The following MSRB3 variants were observed in gnomAD, a reference collection of about 807,000 sequenced individuals.
MSRB3 encodes the protein methionine-R-sulfoxide reductase B3.
A neutral mutation model predicts 21.0 loss-of-function variants in MSRB3; 13 were observed. That is an observed-to-expected ratio of 0.62 (90% CI 0.40 to 0.98). The LOEUF (loss-of-function observed/expected upper bound fraction) is 0.98, where lower values mean the gene tolerates loss of function less well. Ranked by LOEUF, MSRB3 falls within the 50% of genes least tolerant of loss-of-function variation. The pLI, the probability that MSRB3 is intolerant of heterozygous loss-of-function variation, is 0.00. For synonymous variants in MSRB3, 87 were observed against 88.6 expected (o/e 0.98, Z 0.10); for missense variants, 199 against 230.3 (o/e 0.86, Z 0.88).
chr12:65,444,054 T>C (rs1366018338), intron 5 of MSRB3, among the ~76,000 whole-genome samples: 2 of 152,166 alleles, frequency 1.3e-5, no homozygotes, highest in African/African-American at 4.8e-5. Flanking sequence ...GAAGTTGTAG[T>C]AGTTAATAAA....
chr12:65,391,058 C>A (rs1879457116), intron 5 of MSRB3, among the ~76,000 whole-genome samples: 1 of 152,028 alleles, frequency 6.6e-6, no homozygotes, highest in South Asian at 2.1e-4. Context: ...TATTGATGTT[C>A]ATGATGAAAA....
At chr12:65,311,824 G>C (rs966943298) in intron 2 of MSRB3, among the ~76,000 whole-genome samples, 1 of 152,034 alleles carries the variant, frequency 6.6e-6, no homozygotes, top group Non-Finnish European at 1.5e-5. Context: ...TCTTAAAGTT[G>C]ATTATAACTG....
At chr12:65,400,706 G>A (rs1045543728) in intron 5 of MSRB3, among the ~76,000 whole-genome samples, 1 of 152,080 alleles carries the variant, frequency 6.6e-6, no homozygotes, top group Non-Finnish European at 1.5e-5. Flanking sequence ...TGATGTTAGG[G>A]TGTCGGTTTT....
chr12:65,364,840 A>C (rs1877915150), intron 4 of MSRB3, among the ~76,000 whole-genome samples: 1 of 152,202 alleles, frequency 6.6e-6, no homozygotes, highest in African/African-American at 2.4e-5. Context: ...CCCTATCCCC[A>C]AATTGACAGT....
At chr12:65,408,418 A>T (rs759202902) in intron 5 of MSRB3, among the ~76,000 whole-genome samples, 1 of 152,042 alleles carries the variant, frequency 6.6e-6, no homozygotes, top group Non-Finnish European at 1.5e-5. Context: ...GCTGAATTTG[A>T]TATACTGGAT....
chr12:65,315,398 C>T (rs937915801), intron 2 of MSRB3, among the ~76,000 whole-genome samples: 6 of 151,834 alleles, frequency 4.0e-5, no homozygotes, highest in Admixed American at 1.3e-4. Flanking sequence ...AGGCCTGGCG[C>T]GGTGGTCGTA....
At chr12:65,458,854 A>G (rs1181277038) in intron 6 of MSRB3, among the ~76,000 whole-genome samples, 1 of 152,252 alleles carries the variant, frequency 6.6e-6, no homozygotes, top group Non-Finnish European at 1.5e-5. Context: ...GTGATAAAAT[A>G]CATTGCTTCT....
At chr12:65,398,391 G>A (rs1879932806) in intron 5 of MSRB3, among the ~76,000 whole-genome samples, 1 of 152,018 alleles carries the variant, frequency 6.6e-6, no homozygotes, top group African/African-American at 2.4e-5. Flanking sequence ...TATGTTTGTT[G>A]GCCGCATAAA....
At chr12:65,406,267 A>G (rs564027932) in intron 5 of MSRB3, among the ~76,000 whole-genome samples, 2 of 152,302 alleles carry the variant, frequency 1.3e-5, no homozygotes, top group South Asian at 2.1e-4. Flanking sequence ...AGATGAGTCC[A>G]GTTTCATTCT....
intron 4 of MSRB3, among the ~76,000 whole-genome samples, chr12:65,357,911 TA>T (rs903244633): frequency 1.3e-5 from 2 of 151,984 alleles, no homozygotes; most frequent in African/African-American, 4.8e-5. Context: ...TAGTGTTTGT[TA>T]GGTTTCTTCA....
At chr12:65,289,145 C>CATAGATGTATG (rs1872547129) in intron 1 of MSRB3, among the ~76,000 whole-genome samples, 2 of 152,158 alleles carry the variant, frequency 1.3e-5, no homozygotes, top group Admixed American at 1.3e-4. Flanking sequence ...ATAGTTTTAT[C>CATAGATGTATG]ATAGATGTAT....
Position 65,422,966 on chromosome 12 carries a change from T to C in MSRB3, c.293-30762T>C, listed in dbSNP as rs527251616. Among the ~76,000 whole-genome samples, 18 of 147,738 alleles carry C rather than the reference T, an allele frequency of 1.2e-4. No homozygotes were observed. In the South Asian group the frequency reaches 3.7e-3, roughly 30 times the overall value. ...GGTGGCATCTTTAGGGTTTTCTTTT[T>C]TTTTTTTTTTTTTGAGACAGAGTCT... On this transcript the variant is annotated intron_variant, in intron 5 of 6. Coordinates refer to ENST00000308259, the MANE Select transcript of MSRB3 (RefSeq NM_001031679.3).
intron 4 of MSRB3, among the ~76,000 whole-genome samples, chr12:65,367,821 A>G (rs1432993231): frequency 6.6e-6 from 1 of 152,212 alleles, no homozygotes; most frequent in Non-Finnish European, 1.5e-5. Flanking sequence ...GGATTACGGC[A>G]GTGGTGATTG....
intron 3 of MSRB3, among the ~76,000 whole-genome samples, chr12:65,327,395 A>G (rs1428939236): frequency 6.6e-6 from 1 of 152,290 alleles, no homozygotes; most frequent in Non-Finnish European, 1.5e-5. Flanking sequence ...TTTGAAGCAC[A>G]TGTGGAGAAA....
intron 5 of MSRB3, among the ~76,000 whole-genome samples, chr12:65,409,047 C>A (rs1411519395): frequency 6.6e-6 from 1 of 152,100 alleles, no homozygotes; most frequent in South Asian, 2.1e-4. Flanking sequence ...AAATGGGCCT[C>A]TCTGGAGTTT....
At chr12:65,387,595 C>G (rs1879257653) in intron 5 of MSRB3, among the ~76,000 whole-genome samples, 1 of 152,108 alleles carries the variant, frequency 6.6e-6, no homozygotes, top group Non-Finnish European at 1.5e-5. Context: ...GTCAGACAGA[C>G]CATCATTTGA....
chr12:65,433,014 A>ATGCAT (rs1555213091), intron 5 of MSRB3, among the ~76,000 whole-genome samples: 1 of 151,044 alleles, frequency 6.6e-6, no homozygotes, highest in Non-Finnish European at 1.5e-5. Context: ...TTGGAATCTT[A>ATGCAT]TACTAGTGGG....
chr12:65,325,967 T>C (rs1326009097), intron 2 of MSRB3, among the ~76,000 whole-genome samples: 3 of 152,250 alleles, frequency 2.0e-5, no homozygotes, highest in Non-Finnish European at 4.4e-5. Context: ...GCCATTGTTA[T>C]TAGAATCACA....
intron 4 of MSRB3, among the ~76,000 whole-genome samples, chr12:65,351,408 A>C (rs1193485991): frequency 7.1e-6 from 1 of 141,234 alleles, no homozygotes; most frequent in Non-Finnish European, 1.5e-5. Context: ...AAGAACTAGA[A>C]AAGCAAGAGC....
Sources: allele counts gnomAD v4.1 joint callset (sites outside exome capture counted in the v4.1 genomes callset), GRCh38; gene constraint gnomAD v4.1.1; transcripts MANE v1.5; gene names NCBI Gene and HGNC (gene_info 2026-07-23, HGNC 2026-07-21).